Variants in NADSYN1 observed in about 807,000 individuals in gnomAD.
The protein encoded by NADSYN1 is glutamine-dependent NAD(+) synthetase.
NADSYN1 carries 80 observed loss-of-function variants against 99.3 expected under a neutral mutation model. The ratio of observed to expected loss-of-function variants is 0.81; its 90% CI spans 0.67 to 0.97. The LOEUF is 0.97. Ranked by LOEUF, NADSYN1 falls within the 50% of genes least tolerant of loss-of-function variation. The pLI is 0.00. For synonymous variants in NADSYN1, 385 were observed against 372.1 expected, an observed-to-expected ratio of 1.03 and a Z score of -0.40; for missense variants, 859 against 948.5, an observed-to-expected ratio of 0.91 and a Z score of 1.24.
intron 18 of NADSYN1, 89 bp from the exon 19 acceptor site, chr11:71,497,394 G>T: frequency 6.4e-7 from 1 of 1,561,782 alleles, no homozygotes; most frequent in Non-Finnish European, 8.7e-7. Context: ...TGCCTCCTTG[G>T]TCTCTGGTTC....
intron 2 of NADSYN1, 37 bp from the exon 3 acceptor site, chr11:71,458,391 G>A (rs1333029630): frequency 6.5e-7 from 1 of 1,537,908 alleles, no homozygotes; most frequent in East Asian, 2.2e-5. Flanking sequence ...GCTCACCTGA[G>A]TTGTTTCTGG....
rs748561209 is a variant in NADSYN1, at chr11:71,485,615, T to A, written c.1529T>A (p.Leu510His). 2 of 1,559,508 alleles carry A rather than the reference T, an allele frequency of 1.3e-6. No homozygotes were observed. Among genetic ancestry groups the A allele is most frequent in the South Asian group, 2.4e-5 (2 of 84,628 alleles). ...TGGTCTCGGGGTGTCCACGGTGGGCTCCTCGTGCTGGGATCCGCCAACGTG... is the reference window on the plus strand; with the variant it reads ...TGGTCTCGGGGTGTCCACGGTGGGCACCTCGTGCTGGGATCCGCCAACGTG... The part of the protein sequence containing the change: ...SLWSRGVHGG[L>H]LVLGSANVDE... The change falls in exon 16 of 21, where the codon CTC (leucine) becomes CAC (histidine). Residue 510 changes from leucine (L) to histidine (H), a missense_variant. Coordinates refer to ENST00000319023, the MANE Select transcript of NADSYN1 (RefSeq NM_018161.5).
intron 18 of NADSYN1, among the ~76,000 whole-genome samples, chr11:71,494,992 T>G (rs1039543991): frequency 3.3e-5 from 5 of 152,200 alleles, no homozygotes; most frequent in African/African-American, 7.2e-5. Flanking sequence ...GCATAACTTT[T>G]TGTTTTGTTG....
chr11:71,482,671 T>A, intron 13 of NADSYN1, 178 bp from the exon 14 acceptor site: 4 of 329,028 alleles, frequency 1.2e-5, no homozygotes, highest in East Asian at 5.0e-5. Flanking sequence ...GGGTGTAGAC[T>A]GGGGTGGAGC....
Position 71,468,194 on chromosome 11 carries a change from A to C in NADSYN1, c.407+4052A>C, listed in dbSNP as rs115383453. On this transcript the variant is annotated intron_variant, in intron 5 of 20. Coordinates refer to ENST00000319023, the MANE Select transcript of NADSYN1 (RefSeq NM_018161.5). Reference sequence around the variant, plus strand: ...GTTTTTTATCATTAAAAGACTCATTAGTGGAAATTCTGAACATGTACGTTA... The same window carrying C: ...GTTTTTTATCATTAAAAGACTCATTCGTGGAAATTCTGAACATGTACGTTA... 2.5e-3 allele frequency among the ~76,000 whole-genome samples: 385 copies of C among 152,364 alleles called. 2 individuals carry two copies. Among genetic ancestry groups the C allele is most frequent in the African/African-American group, 9.0e-3 (374 of 41,582 alleles).
intron 3 of NADSYN1, among the ~76,000 whole-genome samples, chr11:71,462,248 G>A (rs1422253366): frequency 1.3e-5 from 2 of 152,182 alleles, no homozygotes; most frequent in African/African-American, 4.8e-5. Context: ...AGTCTCATAA[G>A]AAACATTTAC....
intron 5 of NADSYN1, among the ~76,000 whole-genome samples, chr11:71,467,312 C>T (rs145605827): frequency 1.3e-5 from 2 of 152,298 alleles, no homozygotes; most frequent in East Asian, 3.9e-4. Context: ...GGCAAACAGA[C>T]GTCTCTCTGG....
chr11:71,488,078 T>C (rs995204544), intron 16 of NADSYN1, among the ~76,000 whole-genome samples: 4 of 152,136 alleles, frequency 2.6e-5, no homozygotes, highest in African/African-American at 9.7e-5. Flanking sequence ...GTAGTGTTGA[T>C]TTTTTTAAAT....
chr11:71,487,020 A>G (rs1949747671), intron 16 of NADSYN1, among the ~76,000 whole-genome samples: 1 of 151,930 alleles, frequency 6.6e-6, no homozygotes. Context: ...GTTAGCCAGG[A>G]TGGTCTCCAT....
chr11:71,491,391 C>A (rs533775912), intron 17 of NADSYN1, among the ~76,000 whole-genome samples: 1 of 152,360 alleles, frequency 6.6e-6, no homozygotes, highest in African/African-American at 2.4e-5. Context: ...CTTATCCTCA[C>A]TGGAGTGACT....
intron 5 of NADSYN1, among the ~76,000 whole-genome samples, chr11:71,469,453 CAG>C (rs1031337546): frequency 1.3e-4 from 20 of 152,292 alleles, no homozygotes; most frequent in African/African-American, 4.1e-4. Context: ...GAGTGGGAAT[CAG>C]GGGGCTGACA....
chr11:71,472,519 A>G lies in NADSYN1; in HGVS notation c.459+19A>G. On this transcript the variant is annotated intron_variant, in intron 6 of 20. Coordinates refer to ENST00000319023, the MANE Select transcript of NADSYN1 (RefSeq NM_018161.5). The stretch of plus-strand genomic sequence containing the variant: ...AAAGCAGGTGAGTCCCTGGGTGTGG[A>G]GCCCGTTTTTCAGTCGGTTGTCGCT... 6.2e-7 allele frequency: 1 copy of G among 1,610,130 alleles called. No individual in the cohort carries two copies. The highest frequency in any genetic ancestry group is 8.5e-7 in the Non-Finnish European group (1 of 1,176,472).
intron 18 of NADSYN1, among the ~76,000 whole-genome samples, chr11:71,492,570 T>C (rs764781438): frequency 3.9e-5 from 6 of 152,168 alleles, no homozygotes; most frequent in Non-Finnish European, 7.4e-5. Context: ...TTGTTGTAAA[T>C]GTAGGATTTA....
In NADSYN1 at chr11:71,481,968, A is replaced by C. The variant is rs770024164; in HGVS notation, c.1093A>C (p.Thr365Pro). Residue 365 changes from threonine to proline, a missense_variant, in exon 13 of 21, where the codon ACC becomes CCC. Transcript: ENST00000319023. The part of the protein sequence containing the change: ...PLSGGVDSAA[T>P]ACLIYSMCCQ... ...GAGTGGCGGGGTGGACAGCGCAGCC[A>C]CCGCCTGCCTCATCTACTCCATGTG... 16 of 1,607,150 alleles carry C rather than the reference A, an allele frequency of 1.0e-5. No individual in the cohort carries two copies. Among genetic ancestry groups the C allele is most frequent in the South Asian group, 6.6e-5 (6 of 90,364 alleles).
chr11:71,493,885 A>C (rs901311986), intron 18 of NADSYN1, among the ~76,000 whole-genome samples: 1 of 152,186 alleles, frequency 6.6e-6, no homozygotes, highest in Non-Finnish European at 1.5e-5. Context: ...TAATCCCAGC[A>C]CTTTGGGAGG....
At chr11:71,485,958 G>A (rs1156277849) in intron 16 of NADSYN1, among the ~76,000 whole-genome samples, 1 of 152,164 alleles carries the variant, frequency 6.6e-6, no homozygotes, top group Non-Finnish European at 1.5e-5. Flanking sequence ...CTGTTCCACT[G>A]TGTCTTAAGT....
chr11:71,483,162 C>A, intron 14 of NADSYN1, 145 bp downstream of exon 14: 1 of 1,002,326 alleles, frequency 1.0e-6, no homozygotes, highest in Non-Finnish European at 1.5e-6. Flanking sequence ...GTAAGTGCTC[C>A]ATCCCTTTTT....
At chr11:71,491,469 G>A (rs1379580225) in intron 17 of NADSYN1, among the ~76,000 whole-genome samples, 1 of 152,190 alleles carries the variant, frequency 6.6e-6, no homozygotes, top group Admixed American at 6.5e-5. Context: ...GGTGTGCTGG[G>A]TGTTAGCAGG....
chr11:71,460,489 T>C (rs536219527), intron 3 of NADSYN1, among the ~76,000 whole-genome samples: 18 of 152,316 alleles, frequency 1.2e-4, no homozygotes, highest in African/African-American at 4.3e-4. Context: ...TACCCGGGAC[T>C]ACAGGTGCAC....
Sources: gnomAD v4.1 joint callset for allele counts (sites outside exome capture counted in the v4.1 genomes callset) on GRCh38, gnomAD v4.1.1 for gene constraint, MANE v1.5 for transcripts, NCBI Gene and HGNC (gene_info 2026-07-23, HGNC 2026-07-21) for gene names.